Variants in EPHA5 observed in about 807,000 individuals in gnomAD.
EPHA5 encodes the protein ephrin type-A receptor 5.
Under a neutral mutation model 105.0 loss-of-function variants are expected in EPHA5, and 60 were observed. The observed-to-expected ratio is 0.57, with a 90% CI of 0.46 to 0.71. The LOEUF is 0.71. EPHA5 is among the 30% of genes least tolerant of loss of function. EPHA5 has a pLI of 0.00. For missense variants in EPHA5, 1,218 were observed against 1,274.7 expected (o/e 0.96, Z 0.68); for synonymous variants, 513 against 449.1 (o/e 1.14, Z -1.80).
At chr4:65,401,582 C>T (rs17086181) in intron 8 of EPHA5, among the ~76,000 whole-genome samples, 82,249 of 151,762 alleles carry the variant, frequency 0.54, 24,663 homozygotes, top group South Asian at 0.69. Flanking sequence ...TCGTTTTTGG[C>T]GAAATGTGCT....
At chr4:65,387,413 G>A (rs1300353329) in intron 8 of EPHA5, among the ~76,000 whole-genome samples, 6 of 151,968 alleles carry the variant, frequency 3.9e-5, no homozygotes, top group Non-Finnish European at 8.8e-5. Context: ...CAATTTATTG[G>A]ATGAAGATTT....
chr4:65,341,193 A>G (rs1023241475), intron 14 of EPHA5, among the ~76,000 whole-genome samples: 1 of 152,078 alleles, frequency 6.6e-6, no homozygotes, highest in Non-Finnish European at 1.5e-5. Flanking sequence ...GCTGTTTTTA[A>G]TTATCTAAAT....
At chr4:65,352,367 T>A (rs370993293) in intron 12 of EPHA5, among the ~76,000 whole-genome samples, 26 of 152,178 alleles carry the variant, frequency 1.7e-4, no homozygotes, top group African/African-American at 6.0e-4. Flanking sequence ...GAGCACTATA[T>A]TAAAATTACA....
In EPHA5 at chr4:65,586,172, A is replaced by C. The variant is rs1742106297; in HGVS notation, c.910+15469T>G. 2.6e-5 allele frequency among the ~76,000 whole-genome samples: 4 copies of C among 151,750 alleles called. No individual in the cohort carries two copies. In the South Asian group the frequency reaches 8.3e-4, roughly 31 times the overall value. On this transcript the variant is annotated intron_variant, in intron 3 of 16. Coordinates refer to ENST00000613740, the MANE Select transcript of EPHA5 (RefSeq NM_001281766.3). The stretch of plus-strand genomic sequence containing the variant: ...TATTAACTTGATATCAAATGCTTAT[A>C]TCAAATATAAGCATTTGATTGCATA...
At chr4:65,428,115 A>G (rs994614717) in intron 5 of EPHA5, among the ~76,000 whole-genome samples, 1 of 152,196 alleles carries the variant, frequency 6.6e-6, no homozygotes, top group African/African-American at 2.4e-5. Flanking sequence ...TTACTTTGCT[A>G]TCTTTGTTTT....
At chr4:65,358,309 C>T (rs1300917240) in intron 11 of EPHA5, among the ~76,000 whole-genome samples, 2 of 151,428 alleles carry the variant, frequency 1.3e-5, no homozygotes, top group Non-Finnish European at 3.0e-5. Flanking sequence ...CATTTAGAAG[C>T]CTCATAATTC....
intron 4 of EPHA5, among the ~76,000 whole-genome samples, chr4:65,490,970 A>G (rs976816890): frequency 6.6e-6 from 1 of 152,194 alleles, no homozygotes; most frequent in Admixed American, 6.5e-5. Context: ...GTAAACAATT[A>G]TGGAGTAAAA....
chr4:65,358,251 G>A (rs1723498229), intron 11 of EPHA5, among the ~76,000 whole-genome samples: 1 of 151,290 alleles, frequency 6.6e-6, no homozygotes. Context: ...CAAACCATTA[G>A]CTCATCAATA....
intron 14 of EPHA5, among the ~76,000 whole-genome samples, chr4:65,343,460 C>T (rs948907656): frequency 2.6e-5 from 4 of 152,090 alleles, no homozygotes; most frequent in African/African-American, 9.7e-5. Context: ...GCCTTGGTAA[C>T]GTAACATTTT....
At chr4:65,626,682 T>C (rs1746189212) in intron 2 of EPHA5, among the ~76,000 whole-genome samples, 1 of 152,200 alleles carries the variant, frequency 6.6e-6, no homozygotes, top group South Asian at 2.1e-4. Flanking sequence ...AAGTTGTATG[T>C]GGACGATCTA....
intron 3 of EPHA5, among the ~76,000 whole-genome samples, chr4:65,541,638 A>T (rs1736845531): frequency 6.6e-6 from 1 of 152,036 alleles, no homozygotes; most frequent in Non-Finnish European, 1.5e-5. Context: ...TTAGACTCCC[A>T]CATGATAACA....
At chr4:65,605,428 T>C (rs1018856208) in intron 2 of EPHA5, among the ~76,000 whole-genome samples, 4 of 152,194 alleles carry the variant, frequency 2.6e-5, no homozygotes, top group Non-Finnish European at 4.4e-5. Context: ...TTGTTGGCAT[T>C]GCTCTCCTTT....
chr4:65,592,099 A>G (rs1742720696), intron 3 of EPHA5, among the ~76,000 whole-genome samples: 2 of 152,122 alleles, frequency 1.3e-5, no homozygotes, highest in South Asian at 4.1e-4. Flanking sequence ...AGTTTTCAGA[A>G]GGCTTTCAGT....
chr4:65,570,417 T>C (rs1248334482), intron 3 of EPHA5, among the ~76,000 whole-genome samples: 1 of 148,322 alleles, frequency 6.7e-6, no homozygotes, highest in Non-Finnish European at 1.5e-5. Flanking sequence ...TAAAGCTCTT[T>C]AGTGTGATGG....
intron 5 of EPHA5, among the ~76,000 whole-genome samples, chr4:65,464,045 T>C (rs1311746256): frequency 6.6e-6 from 1 of 151,056 alleles, no homozygotes; most frequent in Non-Finnish European, 1.5e-5. Flanking sequence ...CAAGAGGAAA[T>C]TTTTTTTTGG....
intron 4 of EPHA5, among the ~76,000 whole-genome samples, chr4:65,494,211 T>C (rs970641647): frequency 2.0e-5 from 3 of 152,214 alleles, no homozygotes; most frequent in South Asian, 2.1e-4. Flanking sequence ...TTAATAGCAA[T>C]GATTTAAGGA....
chr4:65,402,083 G>C (rs535853389), intron 8 of EPHA5, among the ~76,000 whole-genome samples: 1 of 152,096 alleles, frequency 6.6e-6, no homozygotes, highest in African/African-American at 2.4e-5. Flanking sequence ...TCTCATGATA[G>C]TAAGATTGTT....
chr4:65,372,431 A>T (rs1397122362), intron 8 of EPHA5, among the ~76,000 whole-genome samples: 1 of 151,870 alleles, frequency 6.6e-6, no homozygotes, highest in African/African-American at 2.4e-5. Flanking sequence ...GGGGCATTGG[A>T]TATTTAGGCA....
At chr4:65,520,444 T>C (rs1734576021) in intron 3 of EPHA5, among the ~76,000 whole-genome samples, 1 of 152,090 alleles carries the variant, frequency 6.6e-6, no homozygotes, top group South Asian at 2.1e-4. Context: ...ACCTAAGCAA[T>C]ACCATTCAGG....
Sources: allele counts gnomAD v4.1 joint callset (sites outside exome capture counted in the v4.1 genomes callset), GRCh38; gene constraint gnomAD v4.1.1; transcripts MANE v1.5; gene names NCBI Gene and HGNC (gene_info 2026-07-23, HGNC 2026-07-21).